LRCH1: variants seen among roughly 807,000 people sequenced by gnomAD.
The protein encoded by LRCH1 is leucine rich repeats and calponin homology domain containing 1, also known as leucine-rich repeat and calponin homology domain-containing protein 1.
LRCH1 carries 23 observed loss-of-function variants against 94.9 expected under a neutral mutation model. That is an observed-to-expected ratio of 0.24 (90% CI 0.17 to 0.34). The LOEUF is 0.34. LRCH1 is among the 10% of genes least tolerant of loss of function. The pLI is 1.00. For missense variants in LRCH1, 790 were observed against 945.9 expected, an observed-to-expected ratio of 0.84 and a Z score of 2.16; for synonymous variants, 364 against 354.9, an observed-to-expected ratio of 1.03 and a Z score of -0.29.
At chr13:46,619,811 G>A (rs753422109) in intron 1 of LRCH1, among the ~76,000 whole-genome samples, 8 of 152,126 alleles carry the variant, frequency 5.3e-5, no homozygotes, top group Non-Finnish European at 1.2e-4. Flanking sequence ...CATGTGTTTA[G>A]AATTGTAGCT....
At chr13:46,559,906 A>G (rs1163974879) in intron 1 of LRCH1, among the ~76,000 whole-genome samples, 1 of 152,192 alleles carries the variant, frequency 6.6e-6, no homozygotes, top group East Asian at 1.9e-4. Context: ...TGTTACTGTA[A>G]TGAACTGAAA....
intron 1 of LRCH1, among the ~76,000 whole-genome samples, chr13:46,591,233 A>T (rs1048999457): frequency 6.6e-6 from 1 of 152,236 alleles, no homozygotes; most frequent in Non-Finnish European, 1.5e-5. Flanking sequence ...TAATTTTAGG[A>T]TATAAAAACA....
At chr13:46,704,416 C>G (rs932081588) in intron 11 of LRCH1, among the ~76,000 whole-genome samples, 41 of 152,006 alleles carry the variant, frequency 2.7e-4, no homozygotes, top group African/African-American at 9.6e-4. Flanking sequence ...CTGTCTTTAT[C>G]TTGATTTCTT....
chr13:46,718,383 TAA>T (rs1416261002), intron 16 of LRCH1, among the ~76,000 whole-genome samples: 2 of 152,210 alleles, frequency 1.3e-5, no homozygotes, highest in African/African-American at 4.8e-5. Flanking sequence ...ACTGAGGATA[TAA>T]GAGGCTTTTT....
intron 5 of LRCH1, 50 bp downstream of exon 5, chr13:46,686,091 G>C (rs1212016699): frequency 7.2e-7 from 1 of 1,393,988 alleles, no homozygotes; most frequent in African/African-American, 1.5e-5. Context: ...TGCTGTTATA[G>C]GAGCCAAGGG....
intron 1 of LRCH1, among the ~76,000 whole-genome samples, chr13:46,607,054 G>A (rs983938897): frequency 3.9e-5 from 6 of 152,184 alleles, no homozygotes; most frequent in African/African-American, 1.4e-4. Flanking sequence ...TCAGCTTGGG[G>A]TTGGCTAGGC....
At chr13:46,683,274 CA>C (rs1339034559) in intron 4 of LRCH1, among the ~76,000 whole-genome samples, 1 of 152,154 alleles carries the variant, frequency 6.6e-6, no homozygotes, top group Non-Finnish European at 1.5e-5. Flanking sequence ...AAGAACTTTG[CA>C]AAAGGTAATG....
chr13:46,688,039 G>A (rs985574847), intron 6 of LRCH1, 60 bp downstream of exon 6: 3 of 1,483,544 alleles, frequency 2.0e-6, no homozygotes, highest in Non-Finnish European at 2.7e-6. Flanking sequence ...AGGCCCTCCA[G>A]GTAGCTGACT....
At chr13:46,652,405 T>TC (rs926012266) in intron 2 of LRCH1, among the ~76,000 whole-genome samples, 4 of 151,570 alleles carry the variant, frequency 2.6e-5, no homozygotes, top group African/African-American at 7.3e-5. Context: ...GTTTTTTTTT[T>TC]TGTCAGGGTT....
intron 1 of LRCH1, among the ~76,000 whole-genome samples, chr13:46,646,165 A>G (rs2051218516): frequency 6.6e-6 from 1 of 152,252 alleles, no homozygotes; most frequent in Non-Finnish European, 1.5e-5. Context: ...CCTTAATTTA[A>G]TATGAGGAAC....
intron 1 of LRCH1, among the ~76,000 whole-genome samples, chr13:46,604,609 T>C (rs988460755): frequency 1.3e-5 from 2 of 152,240 alleles, no homozygotes; most frequent in African/African-American, 2.4e-5. Context: ...TTACATCTTG[T>C]TGGTCTTGTT....
chr13:46,589,593 CT>C (rs762747151), intron 1 of LRCH1, among the ~76,000 whole-genome samples: 1,563 of 77,718 alleles, frequency 0.02, 2 homozygotes, highest in Non-Finnish European at 0.028. Flanking sequence ...AGTTCTCTCA[CT>C]TTTTTTTTTT....
intron 1 of LRCH1, among the ~76,000 whole-genome samples, chr13:46,622,212 G>A (rs1313134739): frequency 2.0e-5 from 3 of 148,924 alleles, no homozygotes; most frequent in East Asian, 1.9e-4. Context: ...TCCCCCCAAG[G>A]CGAGGTATCC....
chr13:46,553,271 C>T lies in LRCH1; in HGVS notation c.-126C>T, dbSNP rs2050019383. On this transcript the variant is annotated 5_prime_UTR_variant, in exon 1 of 20. Transcript: ENST00000389797. ...CTACGCGCCTGCCCACACCCTCCTC[C>T]CCTCCTTCCAGCGCCTTTCGGTGGA... 9.9e-6 allele frequency: 7 copies of T among 709,224 alleles called. 1 individual carries two copies. Among genetic ancestry groups the T allele is most frequent in the South Asian group, 3.6e-5 (2 of 54,862 alleles). The allele number at this position is 709,224 out of a possible 1,614,324, so 43.9% of individuals were successfully genotyped here.
chr13:46,745,198 A>G (rs1593392291), downstream of LRCH1, among the ~76,000 whole-genome samples: 1 of 152,138 alleles, frequency 6.6e-6, no homozygotes, highest in East Asian at 1.9e-4. Flanking sequence ...CCATAAATGC[A>G]GCCTTAGACA....
chr13:46,726,361 C>G lies in LRCH1; in HGVS notation c.1870-2486C>G, dbSNP rs148592588. 9.2e-5 allele frequency among the ~76,000 whole-genome samples: 14 copies of G among 152,282 alleles called. No homozygotes were observed. The East Asian group carries it at 2.7e-3, about 29-fold the overall frequency. On this transcript the variant is annotated intron_variant, in intron 17 of 19. Coordinates refer to ENST00000389797, the MANE Select transcript of LRCH1 (RefSeq NM_001164211.2). The stretch of plus-strand genomic sequence containing the variant: ...GAGCTCCAGGGGACTTTCTTTTTGC[C>G]TCATGTATCCAGACTTGGAGCCGAA...
chr13:46,715,245 T>C (rs1469171040), intron 15 of LRCH1, among the ~76,000 whole-genome samples: 1 of 152,212 alleles, frequency 6.6e-6, no homozygotes, highest in African/African-American at 2.4e-5. Flanking sequence ...ATGGGTACTC[T>C]TTCTTTCCTC....
chr13:46,727,118 T>A (rs1872862542), intron 17 of LRCH1, among the ~76,000 whole-genome samples: 1 of 152,112 alleles, frequency 6.6e-6, no homozygotes. Context: ...ACGATGTACA[T>A]GGTCGAAGGA....
intron 1 of LRCH1, among the ~76,000 whole-genome samples, chr13:46,591,662 A>G (rs1199009042): frequency 6.6e-6 from 1 of 152,218 alleles, no homozygotes; most frequent in Admixed American, 6.5e-5. Context: ...TAGACCAGGA[A>G]GGGGCCCTAG....
Sources: allele counts gnomAD v4.1 joint callset (sites outside exome capture counted in the v4.1 genomes callset), GRCh38; gene constraint gnomAD v4.1.1; transcripts MANE v1.5; gene names NCBI Gene and HGNC (gene_info 2026-07-23, HGNC 2026-07-21).